Variants in DAB1 observed in about 807,000 individuals in gnomAD.
DAB1 encodes disabled homolog 1.
DAB1 carries 15 observed loss-of-function variants against 64.6 expected under a neutral mutation model. The ratio of observed to expected loss-of-function variants is 0.23; its 90% CI spans 0.16 to 0.36. The LOEUF (loss-of-function observed/expected upper bound fraction) is 0.36, where lower values mean the gene tolerates loss of function less well. Among genes scored for constraint, DAB1 ranks in the 10% least tolerant of loss-of-function variants. DAB1 has a pLI of 1.00. For missense variants in DAB1, 596 were observed against 706.7 expected (o/e 0.84, Z 1.78); for synonymous variants, 235 against 251.9 (o/e 0.93, Z 0.64).
chr1:57,866,147 C>T (rs1240888693), intron 1 of DAB1, among the ~76,000 whole-genome samples: 1 of 152,190 alleles, frequency 6.6e-6, no homozygotes, highest in Non-Finnish European at 1.5e-5. Flanking sequence ...ATAATTATGA[C>T]TCATTCTTCA....
intron 6 of DAB1, among the ~76,000 whole-genome samples, chr1:57,752,113 G>A (rs758953892): frequency 1.3e-5 from 2 of 152,172 alleles, no homozygotes; most frequent in Admixed American, 6.5e-5. Context: ...GTTCAGGCGC[G>A]GATTCAAACC....
chr1:58,502,390 C>A (rs766153010), intron 3 of DAB1, among the ~76,000 whole-genome samples: 1 of 152,178 alleles, frequency 6.6e-6, no homozygotes, highest in African/African-American at 2.4e-5. Flanking sequence ...TCACTTCCTA[C>A]GTGAACTCAT....
intron 7 of DAB1, among the ~76,000 whole-genome samples, chr1:57,580,264 C>T (rs895317501): frequency 2.6e-5 from 4 of 152,132 alleles, no homozygotes; most frequent in African/African-American, 9.7e-5. Context: ...CACACATATA[C>T]AAAAACCACA....
intron 5 of DAB1, among the ~76,000 whole-genome samples, chr1:58,108,036 G>A (rs1204741176): frequency 6.6e-6 from 1 of 152,228 alleles, no homozygotes; most frequent in Non-Finnish European, 1.5e-5. Context: ...AGCAAGAGAA[G>A]TAGAGAGAAA....
intron 3 of DAB1, among the ~76,000 whole-genome samples, chr1:58,457,860 G>A (rs193079853): frequency 2.6e-5 from 4 of 152,288 alleles, no homozygotes; most frequent in Non-Finnish European, 5.9e-5. Flanking sequence ...TGTTGTTGAC[G>A]GGGAAAGGTG....
chr1:58,000,564 C>CTTTTTTTTTT (rs869176789), intron 5 of DAB1, among the ~76,000 whole-genome samples: 11 of 95,742 alleles, frequency 1.1e-4, no homozygotes, highest in African/African-American at 1.6e-4. Context: ...TCTTTTTTGC[C>CTTTTTTTTTT]TTTTTTTTTT....
intron 2 of DAB1, among the ~76,000 whole-genome samples, chr1:58,507,792 A>T (rs10889098): frequency 0.19 from 29,551 of 152,044 alleles, 2,934 homozygotes; most frequent in Middle Eastern, 0.24. Context: ...CCTCAATAAT[A>T]GGTAATCACA....
At chr1:58,262,504 G>A (rs894200234) in intron 4 of DAB1, among the ~76,000 whole-genome samples, 3 of 152,110 alleles carry the variant, frequency 2.0e-5, no homozygotes, top group Admixed American at 2.0e-4. Context: ...AGAATCGCTT[G>A]AACTCGGGAG....
chr1:57,107,306 C>T (rs767910057), intron 4 of DAB1, among the ~76,000 whole-genome samples: 4 of 149,190 alleles, frequency 2.7e-5, no homozygotes, highest in South Asian at 2.1e-4. Flanking sequence ...ACCGGGGAGG[C>T]GGAAGTTGCA....
At chr1:58,471,059 T>C (rs1036749566) in intron 3 of DAB1, among the ~76,000 whole-genome samples, 1 of 152,196 alleles carries the variant, frequency 6.6e-6, no homozygotes, top group Non-Finnish European at 1.5e-5. Context: ...AGGAATACTT[T>C]TAGGTGCAAG....
chr1:57,655,695 G>T (rs1453329680), intron 6 of DAB1, among the ~76,000 whole-genome samples: 2 of 152,174 alleles, frequency 1.3e-5, no homozygotes, highest in African/African-American at 2.4e-5. Flanking sequence ...AGGGAAAGGG[G>T]ATCTGGCACA....
intron 7 of DAB1, among the ~76,000 whole-genome samples, chr1:57,518,990 G>A (rs11581152): frequency 0.19 from 28,112 of 151,900 alleles, 2,898 homozygotes; most frequent in Non-Finnish European, 0.24. Flanking sequence ...TCTTAGTATC[G>A]TCCTCCCCCA....
At chr1:57,243,285 C>T (rs188323703) in intron 2 of DAB1, among the ~76,000 whole-genome samples, 45 of 151,964 alleles carry the variant, frequency 3.0e-4, no homozygotes, top group East Asian at 1.4e-3. Flanking sequence ...TCACTGTGAA[C>T]GAAAAAAAGC....
At chr1:58,133,102 G>A (rs1408242365) in intron 5 of DAB1, among the ~76,000 whole-genome samples, 1 of 152,058 alleles carries the variant, frequency 6.6e-6, no homozygotes, top group Non-Finnish European at 1.5e-5. Context: ...CTGATTCTTG[G>A]CATCAAAGCT....
At chr1:58,530,019 T>C (rs1646409785) in intron 1 of DAB1, among the ~76,000 whole-genome samples, 1 of 152,002 alleles carries the variant, frequency 6.6e-6, no homozygotes, top group Non-Finnish European at 1.5e-5. Flanking sequence ...TAGCTGAGAC[T>C]ACAGGCGCCC....
At chr1:57,482,011 A>G (rs1221391260) in intron 7 of DAB1, among the ~76,000 whole-genome samples, 2 of 152,196 alleles carry the variant, frequency 1.3e-5, no homozygotes, top group Admixed American at 1.3e-4. Context: ...TAAATTTAAC[A>G]CATGGATTCA....
At chr1:57,460,924 G>A (rs1686760775) in intron 7 of DAB1, among the ~76,000 whole-genome samples, 1 of 152,138 alleles carries the variant, frequency 6.6e-6, no homozygotes, top group Non-Finnish European at 1.5e-5. Flanking sequence ...CGGGATACAT[G>A]TGCAGGATGT....
At chr1:57,013,809 A>T (rs575478171) in intron 12 of DAB1, among the ~76,000 whole-genome samples, 1 of 152,316 alleles carries the variant, frequency 6.6e-6, no homozygotes, top group East Asian at 1.9e-4. Context: ...GCTCAAGTGT[A>T]TCTGGATTCT....
chr1:57,016,255 G>A (rs1273234779), intron 11 of DAB1, among the ~76,000 whole-genome samples: 2 of 151,812 alleles, frequency 1.3e-5, no homozygotes, highest in African/African-American at 4.8e-5. Flanking sequence ...CATGATTTCT[G>A]TATTATTATT....
Sources: gnomAD v4.1 joint callset for allele counts (sites outside exome capture counted in the v4.1 genomes callset) on GRCh38, gnomAD v4.1.1 for gene constraint, MANE v1.5 for transcripts, NCBI Gene and HGNC (gene_info 2026-07-23, HGNC 2026-07-21) for gene names.